The following KIFAP3 variants were observed in gnomAD, a reference collection of about 807,000 sequenced individuals.
KIFAP3 encodes kinesin associated protein 3, also known as kinesin-associated protein 3.
In KIFAP3, 68 loss-of-function variants were observed where a neutral mutation model predicts 106.5. The ratio of observed to expected loss-of-function variants is 0.64; its 90% CI spans 0.53 to 0.78. KIFAP3 has a LOEUF of 0.78. Among genes scored for constraint, KIFAP3 ranks in the 30% least tolerant of loss-of-function variants. The pLI, the probability that KIFAP3 is intolerant of heterozygous loss-of-function variation, is 0.00. For synonymous variants in KIFAP3, 320 were observed against 311.5 expected (o/e 1.03, Z -0.29); for missense variants, 780 against 941.8 (o/e 0.83, Z 2.25).
intron 19 of KIFAP3, among the ~76,000 whole-genome samples, chr1:169,929,337 TAAGAA>T (rs1445213211): frequency 6.6e-6 from 1 of 152,100 alleles, no homozygotes; most frequent in African/African-American, 2.4e-5. Flanking sequence ...AAATAGATCA[TAAGAA>T]AAGAGGTTAT....
At chr1:170,065,614 A>T (rs1671403123) in intron 1 of KIFAP3, among the ~76,000 whole-genome samples, 2 of 39,812 alleles carry the variant, frequency 5.0e-5, no homozygotes, top group African/African-American at 2.3e-4. Flanking sequence ...ACTCCACCTC[A>T]AAAAAAAAAA....
At chr1:169,999,229 A>T (rs926637827) in intron 10 of KIFAP3, among the ~76,000 whole-genome samples, 1 of 152,140 alleles carries the variant, frequency 6.6e-6, no homozygotes. Flanking sequence ...AATCTTATAT[A>T]CCCTAAGTGA....
chr1:169,992,122 A>G (rs1228632071), intron 11 of KIFAP3, 33 bp downstream of exon 11: 3 of 1,051,484 alleles, frequency 2.9e-6, no homozygotes, highest in Non-Finnish European at 4.0e-6. Context: ...TATATTTGTT[A>G]AATGTTTTTC....
chr1:170,067,543 T>C (rs1045605809), intron 1 of KIFAP3: 1 of 152,264 alleles, frequency 6.6e-6, no homozygotes, highest in African/African-American at 2.4e-5. Flanking sequence ...GTGGCAGTCT[T>C]CAAGATGGCA....
chr1:169,926,584 A>G (rs970446478), intron 19 of KIFAP3, among the ~76,000 whole-genome samples: 7 of 151,848 alleles, frequency 4.6e-5, no homozygotes, highest in African/African-American at 2.4e-5. Context: ...ATATATGTGT[A>G]TATATATATA....
intron 9 of KIFAP3, among the ~76,000 whole-genome samples, chr1:170,018,244 T>C (rs1288886719): frequency 6.6e-6 from 1 of 152,166 alleles, no homozygotes; most frequent in East Asian, 1.9e-4. Flanking sequence ...ACGCTACAAC[T>C]AGAGCAGAGT....
chr1:170,056,763 A>G (rs1411327009), intron 1 of KIFAP3, among the ~76,000 whole-genome samples: 1 of 152,066 alleles, frequency 6.6e-6, no homozygotes, highest in Non-Finnish European at 1.5e-5. Flanking sequence ...TATGATTAAC[A>G]GTCAAGTATA....
chr1:169,975,796 G>A (rs1028312551), intron 16 of KIFAP3, among the ~76,000 whole-genome samples: 1 of 151,940 alleles, frequency 6.6e-6, no homozygotes, highest in African/African-American at 2.4e-5. Flanking sequence ...ACATTTCTGA[G>A]TTTTGTATTT....
chr1:170,035,974 GAGC>G lies in KIFAP3; in HGVS notation c.518-424_518-422del, dbSNP rs1167771253. ...AACTTGAATAAGTCTAGAAAAAAAT[GAGC>G]AGGTTAGTAGACTAACACTCGTTCC... On this transcript the variant is annotated intron_variant, in intron 5 of 19. Coordinates refer to ENST00000361580, the MANE Select transcript of KIFAP3 (RefSeq NM_014970.4). 1.6e-4 allele frequency among the ~76,000 whole-genome samples: 24 copies of G among 151,830 alleles called. No individual in the cohort carries two copies. In the East Asian group the frequency reaches 4.1e-3, roughly 26 times the overall value.
At chr1:170,013,496 T>TAA (rs1491034550) in intron 10 of KIFAP3, among the ~76,000 whole-genome samples, 2 of 147,062 alleles carry the variant, frequency 1.4e-5, no homozygotes, top group Admixed American at 6.8e-5. Flanking sequence ...TATATATATA[T>TAA]AAAATACATA....
intron 7 of KIFAP3, among the ~76,000 whole-genome samples, chr1:170,033,361 T>C (rs1435147544): frequency 6.6e-6 from 1 of 151,760 alleles, no homozygotes; most frequent in Non-Finnish European, 1.5e-5. Context: ...AAAATTAATA[T>C]AAAAGTAAGG....
chr1:170,049,998 G>A (rs1365747978), intron 2 of KIFAP3, among the ~76,000 whole-genome samples: 1 of 152,144 alleles, frequency 6.6e-6, no homozygotes, highest in South Asian at 2.1e-4. Context: ...TGAGATTGAC[G>A]AAATGCCAGA....
chr1:169,979,657 T>G (rs1449454949), intron 15 of KIFAP3, among the ~76,000 whole-genome samples: 1 of 152,024 alleles, frequency 6.6e-6, no homozygotes, highest in Admixed American at 6.6e-5. Context: ...GTGGAAAAAT[T>G]GCAGCTCTCT....
chr1:169,986,373 G>C (rs1202406201), intron 11 of KIFAP3, among the ~76,000 whole-genome samples: 3 of 151,888 alleles, frequency 2.0e-5, no homozygotes. Flanking sequence ...CAAATACACT[G>C]ATCTGTATGC....
intron 11 of KIFAP3, among the ~76,000 whole-genome samples, chr1:169,988,939 C>G (rs1164281140): frequency 2.0e-5 from 3 of 151,708 alleles, no homozygotes. Flanking sequence ...CTGTTAAGGG[C>G]TGAAATTTCA....
intron 15 of KIFAP3, among the ~76,000 whole-genome samples, chr1:169,979,395 A>G (rs1666390153): frequency 6.6e-6 from 1 of 152,166 alleles, no homozygotes; most frequent in Admixed American, 6.6e-5. Flanking sequence ...ATGGGGCATT[A>G]TCTCTAGATG....
At chr1:169,947,145 G>C (rs1482288803) in intron 19 of KIFAP3, among the ~76,000 whole-genome samples, 1 of 151,808 alleles carries the variant, frequency 6.6e-6, no homozygotes, top group Non-Finnish European at 1.5e-5. Context: ...AAGGTGGAAA[G>C]AACTTAAAAT....
chr1:170,026,908 T>C (rs938996176), intron 8 of KIFAP3, among the ~76,000 whole-genome samples: 1 of 151,724 alleles, frequency 6.6e-6, no homozygotes, highest in African/African-American at 2.4e-5. Context: ...TCCAAAAGGA[T>C]CAAACTGTTT....
chr1:170,000,751 G>A (rs1229657180), intron 10 of KIFAP3, among the ~76,000 whole-genome samples: 1 of 152,046 alleles, frequency 6.6e-6, no homozygotes, highest in Non-Finnish European at 1.5e-5. Flanking sequence ...TAACTACATT[G>A]GATGATCTCT....
Sources: allele counts gnomAD v4.1 joint callset (sites outside exome capture counted in the v4.1 genomes callset), GRCh38; gene constraint gnomAD v4.1.1; transcripts MANE v1.5; gene names NCBI Gene and HGNC (gene_info 2026-07-23, HGNC 2026-07-21).